The following CPXM1 variants were observed in gnomAD, a reference collection of about 807,000 sequenced individuals.
The protein encoded by CPXM1 is probable carboxypeptidase X1.
CPXM1 carries 72 observed loss-of-function variants against 80.4 expected under a neutral mutation model. That is an observed-to-expected ratio of 0.90 (90% CI 0.74 to 1.09). The LOEUF (loss-of-function observed/expected upper bound fraction) is 1.09. CPXM1 is among the 50% of genes least tolerant of loss of function. CPXM1 has a pLI of 0.00. For synonymous variants in CPXM1, 403 were observed against 405.6 expected, an observed-to-expected ratio of 0.99 and a Z score of 0.08; for missense variants, 892 against 999.4, an observed-to-expected ratio of 0.89 and a Z score of 1.45.
rs2088560148 is a variant in CPXM1 at position 2,800,507 on chromosome 20, G to A, written c.66C>T (p.Pro22=). 2.2e-6 allele frequency: 3 copies of A among 1,379,464 alleles called. No individual in the cohort carries two copies. Among genetic ancestry groups the A allele is most frequent in the Non-Finnish European group, 2.8e-6 (3 of 1,072,952 alleles). 85.5% of individuals were successfully genotyped at this position (1,379,464 alleles called of 1,614,324 possible). The change falls in exon 1 of 14, where the codon CCC becomes CCT. Residue 22 remains proline (P), a synonymous_variant. Coordinates refer to ENST00000380605, the MANE Select transcript of CPXM1 (RefSeq NM_019609.5). ...APAVGPALGA[P]RNSVLGLAQP... ...GCGCGAGGCCCAGCACCGAGTTCCT[G>A]GGCGCCCCCAGAGCCGGGCCGACGG...
Position 2,794,262 on chromosome 20 carries a change from C to T in CPXM1, c.2133G>A (p.Leu711=). The change falls in exon 14 of 14, where the codon CTG becomes CTA. Residue 711 remains leucine, a synonymous_variant. Transcript: ENST00000380605. The surrounding 1 kb of genome is among the most constrained non-coding windows in gnomAD (Gnocchi z 5.2). The part of the protein sequence containing the change: ...TKTPKQRLRE[L]LAAGAKVPPD... ...GGGGCACCTTGGCCCCAGCTGCCAG[C>T]AGCTCGCGCAGCCTCTGTTTGGGAG... 1 of 1,614,094 alleles carries T rather than the reference C, an allele frequency of 6.2e-7. No homozygotes were observed. Among genetic ancestry groups the T allele is most frequent in the Non-Finnish European group, 8.5e-7 (1 of 1,180,050 alleles).
intron 1 of CPXM1, among the ~76,000 whole-genome samples, chr20:2,800,097 G>A (rs1472509635): frequency 1.3e-5 from 2 of 152,148 alleles, no homozygotes; most frequent in African/African-American, 4.8e-5. Flanking sequence ...ATGTGTGTGT[G>A]CACTGTGAGT....
rs747623544 is a variant in CPXM1 at position 2,794,335 on chromosome 20, A to G, written c.2060T>C (p.Val687Ala). 8 of 1,614,008 alleles carry G rather than the reference A, an allele frequency of 5.0e-6. No homozygotes were observed. ...GYHSVTRNCRVTFEEGPFPCN... is the reference protein window; with the variant it reads ...GYHSVTRNCRATFEEGPFPCN... The stretch of plus-strand genomic sequence containing the variant: ...GGGGAAGGGGCCCTCTTCAAAGGTG[A>G]CCCGACAGTTCCGTGTCACTGAATG... The change falls in exon 14 of 14, where the codon GTC becomes GCC. Residue 687 changes from valine (V) to alanine (A), a missense_variant. Transcript: ENST00000380605. This position sits in a 1 kb window ranked among gnomAD's most constrained non-coding sequence, Gnocchi z 5.2.
At chr20:2,800,318 G>A (rs2088556983) in intron 1 of CPXM1, 83 bp downstream of exon 1, 1 of 1,260,134 alleles carries the variant, frequency 7.9e-7, no homozygotes, top group Non-Finnish European at 1.0e-6. Context: ...GTGTGCCCGC[G>A]TGTTAGGGAG....
At chr20:2,798,974 CAT>C (rs1204355034) in intron 1 of CPXM1, 81 bp from the exon 2 acceptor site, 1 of 1,432,340 alleles carries the variant, frequency 7.0e-7, no homozygotes, top group South Asian at 1.3e-5. Flanking sequence ...CCCAAGAAGA[CAT>C]GTGAGCCCAC....
rs767080152 is a variant in CPXM1, at chr20:2,798,261, C to T, written c.481G>A (p.Gly161Arg). The change falls in exon 4 of 14, where the codon GGA becomes AGA. Residue 161 changes from glycine (G) to arginine (R), a missense_variant. Gly to Arg is a moderately radical substitution (Grantham distance 125). Transcript: ENST00000380605. ...TCCTGCTCCTCAGCACACCAGGCTCCATCATATAGATCGCCGTCCTCCAGG... is the reference window on the plus strand; with the variant it reads ...TCCTGCTCCTCAGCACACCAGGCTCTATCATATAGATCGCCGTCCTCCAGG... The part of the protein sequence containing the change: ...SGLEDGDLYD[G>R]AWCAEEQDAD... 1 of 1,613,986 alleles carries T rather than the reference C, an allele frequency of 6.2e-7. No homozygotes were observed. Among genetic ancestry groups the T allele is most frequent in the Non-Finnish European group, 8.5e-7 (1 of 1,180,032 alleles).
At position 2,795,382 on chromosome 20, in the gene CPXM1, G is replaced by T; in HGVS notation, c.1755C>A (p.Cys585Ter). Residue 585 changes from cysteine to a stop codon, truncating the protein, a stop_gained, in exon 12 of 14, where the codon TGC (cysteine) becomes TGA (stop). Coordinates refer to ENST00000380605, the MANE Select transcript of CPXM1 (RefSeq NM_019609.5). LOFTEE classifies it high-confidence loss of function. The surrounding 1 kb of genome is among the most constrained non-coding windows in gnomAD (Gnocchi z 5.4). ...AGGACAGCTCCACAGTGACCTCAAA[G>T]CAGTTGGTGTGTAGGTAGCTGAAGT... is the stretch of plus-strand genomic sequence containing the variant. ...MNDFSYLHTN[C>*]FEVTVELSCD... The T allele has an allele frequency of 1.2e-6, 2 of 1,614,188 alleles. No individual in the cohort carries two copies. The highest frequency in any genetic ancestry group is 1.7e-6 in the Non-Finnish European group (2 of 1,180,022).
At chr20:2,799,748 G>T (rs2088547740) in intron 1 of CPXM1, among the ~76,000 whole-genome samples, 1 of 152,096 alleles carries the variant, frequency 6.6e-6, no homozygotes, top group African/African-American at 2.4e-5. Flanking sequence ...AAGCTGGGAG[G>T]TCGGGCTGCC....
chr20:2,800,476 C>CGA lies in CPXM1; in HGVS notation c.96_97insTC (p.Gly33SerfsTer45). ...GTCGAGCCTGGGACCTTGGTGGTCC[C>CGA]GGGCTGCGCGAGGCCCAGCACCGAG... On this transcript the variant is annotated frameshift_variant, in exon 1 of 14. Transcript: ENST00000380605. LOFTEE classifies it high-confidence loss of function. The CGA allele has an allele frequency of 6.9e-7, 1 of 1,447,134 alleles. No individual in the cohort carries two copies. The highest frequency in any genetic ancestry group is 9.0e-7 in the Non-Finnish European group (1 of 1,107,926). The allele number at this position is 1,447,134 out of a possible 1,614,324, so 89.6% of individuals were successfully genotyped here. A position where few individuals can be genotyped will look rare whatever the true frequency, so the allele number is the denominator to read the frequency against.
rs2088530144 is a variant in CPXM1 at position 2,798,204 on chromosome 20, G to A, written c.538C>T (p.His180Tyr). Reference sequence around the variant, plus strand: ...ATAACACCCGAGAAGCGGGTGGGGTGCCCAGCGTCCACCTGAAACCATGGA... The same window carrying A: ...ATAACACCCGAGAAGCGGGTGGGGTACCCAGCGTCCACCTGAAACCATGGA... The part of the protein sequence containing the change: ...ADPWFQVDAG[H>Y]PTRFSGVITQ... Residue 180 changes from histidine (H) to tyrosine (Y), a missense_variant, in exon 4 of 14, where the codon CAC becomes TAC. By Grantham distance (83) the His-to-Tyr change is moderately conservative. Coordinates refer to ENST00000380605, the MANE Select transcript of CPXM1 (RefSeq NM_019609.5). 2 of 1,613,962 alleles carry A rather than the reference G, an allele frequency of 1.2e-6. No individual in the cohort carries two copies. The highest frequency in any genetic ancestry group is 2.2e-5 in the South Asian group (2 of 91,086).
At position 2,796,889 on chromosome 20, in the gene CPXM1, A is replaced by T. The variant is rs1324160017; in HGVS notation, c.921+117T>A. The T allele has an allele frequency of 1.9e-6, 2 of 1,058,386 alleles. No individual in the cohort carries two copies. The highest frequency in any genetic ancestry group is 5.0e-5 in the East Asian group (2 of 39,658). 65.6% of individuals were successfully genotyped at this position (1,058,386 alleles called of 1,614,324 possible). On this transcript the variant is annotated intron_variant, in intron 7 of 13. Transcript: ENST00000380605. The surrounding 1 kb of genome is among the most constrained non-coding windows in gnomAD (Gnocchi z 6.8). ...CCACAGGAGAGAAGGCTGAGACATC[A>T]GGAGGCAGCAGGGGCATACAAGCGC... is the stretch of plus-strand genomic sequence containing the variant.
In CPXM1 at chr20:2,794,487, C is replaced by G; in HGVS notation, c.1963+50G>C. On this transcript the variant is annotated intron_variant, in intron 13 of 13. Transcript: ENST00000380605. The surrounding 1 kb of genome is among the most constrained non-coding windows in gnomAD (Gnocchi z 5.2). ...CAATTAATGATCTTCTGCTTCTTCC[C>G]GAGCCTCCAGCCCTCCAGCCCCTTC... 6.2e-7 allele frequency: 1 copy of G among 1,613,358 alleles called. No individual in the cohort carries two copies. Among genetic ancestry groups the G allele is most frequent in the Non-Finnish European group, 8.5e-7 (1 of 1,179,580 alleles).
Position 2,798,803 on chromosome 20 carries a change from G to C in CPXM1, c.263C>G (p.Thr88Ser). The C allele has an allele frequency of 6.2e-7, 1 of 1,614,044 alleles. No individual in the cohort carries two copies. Among genetic ancestry groups the C allele is most frequent in the South Asian group, 1.1e-5 (1 of 91,070 alleles). Reference sequence around the variant, plus strand: ...AAGGGGCCCGGCAGTCACCAGTGGGGTGGGGCGAGTTAGAGTTAGCTTCTT... The same window carrying C: ...AAGGGGCCCGGCAGTCACCAGTGGGCTGGGGCGAGTTAGAGTTAGCTTCTT... The part of the protein sequence containing the change: ...KRKKLTLTRP[T>S]PLVTAGPLVT... Residue 88 changes from threonine (T) to serine (S), a missense_variant, in exon 2 of 14, where the codon ACC becomes AGC. Thr to Ser is a moderately conservative substitution (Grantham distance 58, BLOSUM62 1). This residue lies in a region of CPXM1 where 874 missense variants were observed against 958.4 expected (regional missense o/e 0.91). Transcript: ENST00000380605.
At position 2,797,275 on chromosome 20, in the gene CPXM1, C is replaced by T. The variant is rs41301840; in HGVS notation, c.749G>A (p.Arg250His). ...GGTCTGGGGCAGCAGGCGAATGAAG[C>T]GGGCCACCTGGGGCTCCGGCAGGAG... Reference protein sequence around the residue: ...LNLLPEPQVARFIRLLPQTWL... With the variant: ...LNLLPEPQVAHFIRLLPQTWL... Residue 250 changes from arginine to histidine, a missense_variant, in exon 6 of 14, where the codon CGC (arginine) becomes CAC (histidine). Transcript: ENST00000380605. 1.4e-3 allele frequency: 2,126 copies of T among 1,568,590 alleles called. 2 individuals are homozygous for T. The highest frequency in any genetic ancestry group is 2.4e-3 in the Admixed American group (127 of 54,038).
At position 2,800,422 on chromosome 20, in the gene CPXM1, G is replaced by A; in HGVS notation, c.151C>T (p.Pro51Ser). The A allele has an allele frequency of 6.5e-7, 1 of 1,527,354 alleles. No homozygotes were observed. The allele number at this position is 1,527,354 out of a possible 1,614,324, so 94.6% of individuals were successfully genotyped here. A position where few individuals can be genotyped will look rare whatever the true frequency, so the allele number is the denominator to read the frequency against. The change falls in exon 1 of 14, where the codon CCG (proline) becomes TCG (serine). Residue 51 changes from proline (P) to serine (S), a missense_variant. Physicochemically the swap from Pro to Ser is moderately conservative, Grantham distance 74. Transcript: ENST00000380605. ...TPALHSSPAQ[P>S]PAETANGTSE... ...TCACCGTTAGCTGTCTCCGCCGGCG[G>A]CTGTGCCGGGCTGCTATGCAGGGCC...
At position 2,796,462 on chromosome 20, in the gene CPXM1, T is replaced by A; in HGVS notation, c.1046-19A>T. On this transcript the variant is annotated intron_variant, in intron 8 of 13. Coordinates refer to ENST00000380605, the MANE Select transcript of CPXM1 (RefSeq NM_019609.5). The surrounding 1 kb of genome is among the most constrained non-coding windows in gnomAD (Gnocchi z 6.8). ...GGCTCCCCTGGGGACACATGGGGGC[T>A]TGCAGCGGGTTCATGCCTGGGGCCC... The A allele has an allele frequency of 6.2e-7, 1 of 1,613,530 alleles. No individual in the cohort carries two copies. The highest frequency in any genetic ancestry group is 2.2e-5 in the East Asian group (1 of 44,882).
intron 2 of CPXM1, 65 bp downstream of exon 2, chr20:2,798,661 A>G (rs2088535920): frequency 6.4e-7 from 1 of 1,566,864 alleles, no homozygotes; most frequent in Admixed American, 1.8e-5. Context: ...CATGAGGCCA[A>G]GAGCTGTGCT....
In CPXM1 at chr20:2,794,151, A is replaced by C. The variant is rs28701772; in HGVS notation, c.*39T>G. The C allele has an allele frequency of 8.1e-3, 12,690 of 1,563,506 alleles. 739 individuals are homozygous for C. The African/African-American group carries it at 0.13, about 17-fold the overall frequency. ...CTCTACTCTTCCCCTTCCCGTCTTGACAGGTCCAGCCTGCCCTAGGGCTCT... is the reference window on the plus strand; with the variant it reads ...CTCTACTCTTCCCCTTCCCGTCTTGCCAGGTCCAGCCTGCCCTAGGGCTCT... On this transcript the variant is annotated 3_prime_UTR_variant, in exon 14 of 14. Coordinates refer to ENST00000380605, the MANE Select transcript of CPXM1 (RefSeq NM_019609.5). The surrounding 1 kb of genome is among the most constrained non-coding windows in gnomAD (Gnocchi z 5.2).
At position 2,794,511 on chromosome 20, in the gene CPXM1, TC is replaced by T. The variant is rs2011847627; in HGVS notation, c.1963+25del. 4 of 1,613,774 alleles carry T rather than the reference TC, an allele frequency of 2.5e-6. No individual in the cohort carries two copies. In the African/African-American group the frequency reaches 5.3e-5, roughly 22 times the overall value. ...CCGAGCCTCCAGCCCTCCAGCCCCT[TC>T]CCTTGCCCTCCCGGTCAAACACACC... On this transcript the variant is annotated intron_variant, in intron 13 of 13. Coordinates refer to ENST00000380605, the MANE Select transcript of CPXM1 (RefSeq NM_019609.5). The surrounding 1 kb of genome is among the most constrained non-coding windows in gnomAD (Gnocchi z 5.2).
Sources: gnomAD v4.1 joint callset for allele counts (sites outside exome capture counted in the v4.1 genomes callset) on GRCh38, gnomAD v4.1.1 for gene constraint, gnomAD v4.1.1 regional missense constraint, Gnocchi (gnomAD v3.1) non-coding constraint, MANE v1.5 for transcripts, NCBI Gene and HGNC (gene_info 2026-07-23, HGNC 2026-07-21) for gene names.